The following RSRC1 variants were observed in gnomAD, a reference collection of about 807,000 sequenced individuals.
The protein encoded by RSRC1 is arginine and serine rich coiled-coil 1, also known as serine/Arginine-related protein 53.
In RSRC1, 39 loss-of-function variants were observed where a neutral mutation model predicts 49.1. The observed-to-expected ratio is 0.79, with a 90% confidence interval of 0.61 to 1.04. The LOEUF is 1.04. RSRC1 is among the 50% of genes least tolerant of loss of function. The probability of loss-of-function intolerance (pLI) is 0.00; values close to 1 mark genes in which losing one functional copy is unlikely to be tolerated. For synonymous variants in RSRC1, 143 were observed against 130.8 expected, an observed-to-expected ratio of 1.09 and a Z score of -0.63; for missense variants, 388 against 402.4, an observed-to-expected ratio of 0.96 and a Z score of 0.31.
chr3:158,369,780 T>A (rs1436638025), intron 6 of RSRC1, among the ~76,000 whole-genome samples: 4 of 152,098 alleles, frequency 2.6e-5, no homozygotes, highest in Non-Finnish European at 5.9e-5. Flanking sequence ...AAGGATTTCT[T>A]TGAATTTTGT....
intron 3 of RSRC1, among the ~76,000 whole-genome samples, chr3:158,155,930 T>C (rs1019567965): frequency 6.6e-6 from 1 of 152,182 alleles, no homozygotes; most frequent in Non-Finnish European, 1.5e-5. Context: ...GAAATGAGCA[T>C]TGGCTTCCTT....
intron 3 of RSRC1, among the ~76,000 whole-genome samples, chr3:158,188,806 A>G (rs1188349121): frequency 1.3e-5 from 2 of 151,608 alleles, no homozygotes; most frequent in Non-Finnish European, 3.0e-5. Flanking sequence ...GTCTTTCTTG[A>G]TCTTTTGTTT....
intron 6 of RSRC1, among the ~76,000 whole-genome samples, chr3:158,380,350 C>T (rs1284027043): frequency 1.3e-5 from 2 of 152,118 alleles, no homozygotes; most frequent in African/African-American, 4.8e-5. Flanking sequence ...GTCCCAGCTA[C>T]TCAGGAAGCT....
intron 5 of RSRC1, among the ~76,000 whole-genome samples, chr3:158,322,929 C>A (rs751393802): frequency 3.9e-5 from 6 of 151,974 alleles, no homozygotes; most frequent in Non-Finnish European, 5.9e-5. Context: ...TTGTTTAATT[C>A]TTTGATCATA....
At chr3:158,422,546 G>A (rs1256788298) in intron 6 of RSRC1, among the ~76,000 whole-genome samples, 1 of 151,320 alleles carries the variant, frequency 6.6e-6, no homozygotes, top group Non-Finnish European at 1.5e-5. Context: ...ACGTGTGCAT[G>A]TGTCTTTATA....
chr3:158,359,807 G>T (rs1423976949), intron 6 of RSRC1, among the ~76,000 whole-genome samples: 1 of 152,174 alleles, frequency 6.6e-6, no homozygotes, highest in Non-Finnish European at 1.5e-5. Flanking sequence ...TGGATCCTGA[G>T]TTCTTGTCCT....
At chr3:158,358,772 C>T (rs775982515) in intron 6 of RSRC1, among the ~76,000 whole-genome samples, 16 of 152,076 alleles carry the variant, frequency 1.1e-4, no homozygotes, top group South Asian at 6.2e-4. Flanking sequence ...TCCTTTCCCC[C>T]AAGCCCTTGA....
At chr3:158,536,582 C>A (rs1712723767) in intron 7 of RSRC1, among the ~76,000 whole-genome samples, 2 of 151,562 alleles carry the variant, frequency 1.3e-5, no homozygotes, top group African/African-American at 4.8e-5. Flanking sequence ...TGTCAAGTTA[C>A]TGTTTGTCTT....
chr3:158,269,420 C>A (rs1424400660), intron 4 of RSRC1, among the ~76,000 whole-genome samples: 1 of 152,056 alleles, frequency 6.6e-6, no homozygotes, highest in Non-Finnish European at 1.5e-5. Context: ...ATATTTCATT[C>A]CTACATGCTA....
intron 7 of RSRC1, among the ~76,000 whole-genome samples, chr3:158,531,269 C>T (rs1276082930): frequency 6.6e-6 from 1 of 151,778 alleles, no homozygotes; most frequent in Non-Finnish European, 1.5e-5. Flanking sequence ...GGCATCATCA[C>T]AAAGTGGACA....
intron 4 of RSRC1, among the ~76,000 whole-genome samples, chr3:158,251,360 A>T (rs1019362214): frequency 6.6e-5 from 10 of 152,046 alleles, no homozygotes; most frequent in Non-Finnish European, 1.3e-4. Flanking sequence ...AAAAAATTTC[A>T]TTGGTATTTT....
intron 4 of RSRC1, among the ~76,000 whole-genome samples, chr3:158,284,615 G>C (rs1442598808): frequency 6.8e-6 from 1 of 146,290 alleles, no homozygotes; most frequent in Non-Finnish European, 1.5e-5. Flanking sequence ...TCTCATTGTG[G>C]TTTTGATTTG....
chr3:158,314,082 ATTG>A (rs543945598), intron 5 of RSRC1, among the ~76,000 whole-genome samples: 15 of 151,792 alleles, frequency 9.9e-5, no homozygotes, highest in East Asian at 3.9e-4. Flanking sequence ...ATTATTGAAA[ATTG>A]TTGTTGTTGT....
intron 3 of RSRC1, among the ~76,000 whole-genome samples, chr3:158,192,128 C>A (rs1720277829): frequency 6.6e-6 from 1 of 151,954 alleles, no homozygotes; most frequent in Non-Finnish European, 1.5e-5. Flanking sequence ...GATTAAGAGG[C>A]ATACAGTGTG....
chr3:158,221,184 G>T (rs1329949441), intron 4 of RSRC1, among the ~76,000 whole-genome samples: 1 of 151,548 alleles, frequency 6.6e-6, no homozygotes, highest in Non-Finnish European at 1.5e-5. Context: ...CAAAACACTA[G>T]TAAGATAATC....
chr3:158,265,631 C>A (rs1055094824), intron 4 of RSRC1, among the ~76,000 whole-genome samples: 4 of 147,818 alleles, frequency 2.7e-5, no homozygotes, highest in African/African-American at 5.0e-5. Context: ...AACTCAGTCT[C>A]AAAAAAAAAA....
intron 4 of RSRC1, among the ~76,000 whole-genome samples, chr3:158,276,726 G>A (rs1009813987): frequency 6.6e-6 from 1 of 152,082 alleles, no homozygotes; most frequent in Non-Finnish European, 1.5e-5. Flanking sequence ...GGAAGAAGTT[G>A]ATGATGTTCT....
intron 6 of RSRC1, among the ~76,000 whole-genome samples, chr3:158,451,486 C>T (rs992336828): frequency 6.6e-6 from 1 of 151,990 alleles, no homozygotes; most frequent in African/African-American, 2.4e-5. Context: ...TTGCTCTTTT[C>T]TTTCCGGTGT....
At position 158,543,463 on chromosome 3, in the gene RSRC1, T is replaced by G; in HGVS notation, c.888T>G (p.Asp296Glu). 6.2e-7 allele frequency: 1 copy of G among 1,609,576 alleles called. No individual in the cohort carries two copies. Among genetic ancestry groups the G allele is most frequent in the African/African-American group, 1.3e-5 (1 of 74,600 alleles). Reference sequence around the variant, plus strand: ...TCCCTACTGCTATCAAGTACCAAGATGACAATTCCCTGGCCCATCCAAATG... The same window carrying G: ...TCCCTACTGCTATCAAGTACCAAGAGGACAATTCCCTGGCCCATCCAAATG... Reference protein sequence around the residue: ...TSIPTAIKYQDDNSLAHPNLF... With the variant: ...TSIPTAIKYQEDNSLAHPNLF... The change falls in exon 9 of 10, where the codon GAT (aspartate) becomes GAG (glutamate). Residue 296 changes from aspartate (D) to glutamate (E), a missense_variant. By Grantham distance (45) the Asp-to-Glu change is conservative (BLOSUM62 2). Transcript: ENST00000611884.
Sources: allele counts gnomAD v4.1 joint callset (sites outside exome capture counted in the v4.1 genomes callset), GRCh38; gene constraint gnomAD v4.1.1; transcripts MANE v1.5; gene names NCBI Gene and HGNC (gene_info 2026-07-23, HGNC 2026-07-21).